Variants in MAGI2 observed in about 807,000 individuals in gnomAD.
MAGI2 encodes membrane associated guanylate kinase, WW and PDZ domain containing 2, also known as membrane-associated guanylate kinase, WW and PDZ domain-containing protein 2.
A neutral mutation model predicts 133.3 loss-of-function variants in MAGI2; 35 were observed. The observed-to-expected ratio is 0.26, with a 90% CI of 0.20 to 0.35. MAGI2 has a LOEUF of 0.35. Ranked by LOEUF, MAGI2 falls within the 10% of genes least tolerant of loss-of-function variation. The pLI, the probability that MAGI2 is intolerant of heterozygous loss-of-function variation, is 1.00. For synonymous variants in MAGI2, 729 were observed against 710.6 expected (o/e 1.03, Z -0.41); for missense variants, 1,636 against 1,863.4 (o/e 0.88, Z 2.25).
chr7:78,363,454 C>T (rs1322354026), intron 7 of MAGI2, among the ~76,000 whole-genome samples: 1 of 149,990 alleles, frequency 6.7e-6, no homozygotes, highest in Non-Finnish European at 1.5e-5. Flanking sequence ...GATCGCGCCA[C>T]TGCACTCCAG....
intron 6 of MAGI2, among the ~76,000 whole-genome samples, chr7:78,402,408 T>C (rs1796973222): frequency 6.6e-6 from 1 of 151,866 alleles, no homozygotes; most frequent in Non-Finnish European, 1.5e-5. Context: ...ACCTGGGGCA[T>C]GTATGTTTCC....
chr7:78,888,509 C>G (rs779012343), intron 2 of MAGI2, among the ~76,000 whole-genome samples: 3 of 152,138 alleles, frequency 2.0e-5, no homozygotes, highest in Non-Finnish European at 4.4e-5. Context: ...CTCACATGGC[C>G]GGGTACTCCT....
intron 9 of MAGI2, among the ~76,000 whole-genome samples, chr7:78,306,606 G>A (rs2151085519): frequency 6.6e-6 from 1 of 152,238 alleles, no homozygotes; most frequent in Admixed American, 6.5e-5. Flanking sequence ...GATCCCCCAG[G>A]ACATAAAATT....
At chr7:79,012,551 C>G (rs541039170) in intron 1 of MAGI2, among the ~76,000 whole-genome samples, 1 of 152,120 alleles carries the variant, frequency 6.6e-6, no homozygotes, top group Non-Finnish European at 1.5e-5. Context: ...TCTTCTTCCA[C>G]GTCTAAAGCA....
intron 2 of MAGI2, among the ~76,000 whole-genome samples, chr7:78,791,957 A>G (rs1787186767): frequency 6.6e-6 from 1 of 152,234 alleles, no homozygotes; most frequent in Non-Finnish European, 1.5e-5. Flanking sequence ...TAGAATTTAG[A>G]AAATGATCTT....
At chr7:78,337,695 T>A (rs1201014223) in intron 9 of MAGI2, among the ~76,000 whole-genome samples, 1 of 152,328 alleles carries the variant, frequency 6.6e-6, no homozygotes, top group East Asian at 1.9e-4. Flanking sequence ...TATAAAGTCA[T>A]TATAAAAAAG....
intron 1 of MAGI2, 148 bp downstream of exon 1, chr7:79,452,872 A>C: frequency 2.5e-6 from 2 of 806,354 alleles, no homozygotes; most frequent in Non-Finnish European, 3.8e-6. Flanking sequence ...ATCCCCGGCG[A>C]AACTCACTTG....
At chr7:78,743,225 A>G (rs1822596220) in intron 2 of MAGI2, among the ~76,000 whole-genome samples, 1 of 152,218 alleles carries the variant, frequency 6.6e-6, no homozygotes, top group Non-Finnish European at 1.5e-5. Context: ...TCTAGTGCCT[A>G]TAAAGACAAA....
chr7:79,301,105 G>A (rs761545400), intron 1 of MAGI2, among the ~76,000 whole-genome samples: 7 of 152,208 alleles, frequency 4.6e-5, no homozygotes, highest in Non-Finnish European at 8.8e-5. Flanking sequence ...AGCCCCCACA[G>A]AGAACCTCTG....
chr7:78,133,008 C>T lies in MAGI2; in HGVS notation c.3084G>A (p.Ala1028=), dbSNP rs368339367. ...APSSEKQSPM[A]QQSPLAQQSP... ...TCTGCTGTGCCAGGGGACTCTGCTG[C>T]GCCATGGGACTCTGCTTCTCTGAGC... Residue 1028 remains alanine (A), a synonymous_variant, in exon 18 of 22, where the codon GCG becomes GCA. Transcript: ENST00000354212. 7.4e-5 allele frequency: 119 copies of T among 1,602,890 alleles called. No individual in the cohort carries two copies. Among genetic ancestry groups the T allele is most frequent in the Admixed American group, 3.3e-4 (19 of 57,340 alleles).
intron 6 of MAGI2, among the ~76,000 whole-genome samples, chr7:78,422,596 AT>A (rs1798902814): frequency 2.0e-5 from 3 of 151,370 alleles, no homozygotes; most frequent in Admixed American, 6.6e-5. Flanking sequence ...AAAAAAAAAA[AT>A]CTACTCCTGT....
At chr7:78,620,082 T>G (rs1264377302) in intron 3 of MAGI2, among the ~76,000 whole-genome samples, 4 of 151,960 alleles carry the variant, frequency 2.6e-5, no homozygotes, top group Non-Finnish European at 5.9e-5. Context: ...CTTGTAATAG[T>G]GTGCAAAGGG....
chr7:78,174,806 A>G (rs6962966), intron 14 of MAGI2, among the ~76,000 whole-genome samples: 76,811 of 152,016 alleles, frequency 0.51, 19,539 homozygotes, highest in East Asian at 0.65. Flanking sequence ...CTGGCCTCTG[A>G]GGAAGAAAGG....
intron 2 of MAGI2, among the ~76,000 whole-genome samples, chr7:78,635,721 T>C (rs1459725057): frequency 1.3e-5 from 2 of 152,186 alleles, no homozygotes; most frequent in Non-Finnish European, 2.9e-5. Flanking sequence ...TGATTAACTA[T>C]CTCTTAGATT....
chr7:78,710,110 T>C (rs982478044), intron 2 of MAGI2, among the ~76,000 whole-genome samples: 1 of 152,160 alleles, frequency 6.6e-6, no homozygotes, highest in Non-Finnish European at 1.5e-5. Flanking sequence ...GCTAACAGAA[T>C]GGTTATTTCT....
intron 3 of MAGI2, among the ~76,000 whole-genome samples, chr7:78,582,557 C>G (rs754210423): frequency 6.6e-6 from 1 of 152,156 alleles, no homozygotes; most frequent in Non-Finnish European, 1.5e-5. Flanking sequence ...GGAGACAATT[C>G]CAGTTAGGAG....
chr7:79,100,634 T>G (rs1288938103), intron 1 of MAGI2, among the ~76,000 whole-genome samples: 1 of 151,578 alleles, frequency 6.6e-6, no homozygotes, highest in Admixed American at 6.6e-5. Context: ...TGATTATGGT[T>G]TAAGTTAAAA....
At chr7:78,552,675 G>C (rs980324815) in intron 3 of MAGI2, among the ~76,000 whole-genome samples, 1 of 152,140 alleles carries the variant, frequency 6.6e-6, no homozygotes, top group Non-Finnish European at 1.5e-5. Context: ...GCAGGCCTGT[G>C]ATTCGTCCCA....
chr7:78,580,588 A>C (rs1802733885), intron 3 of MAGI2, among the ~76,000 whole-genome samples: 1 of 152,204 alleles, frequency 6.6e-6, no homozygotes, highest in African/African-American at 2.4e-5. Flanking sequence ...ACAAAATTGA[A>C]AGTGATTTAA....
Sources: allele counts gnomAD v4.1 joint callset (sites outside exome capture counted in the v4.1 genomes callset), GRCh38; gene constraint gnomAD v4.1.1; transcripts MANE v1.5; gene names NCBI Gene and HGNC (gene_info 2026-07-23, HGNC 2026-07-21).